The following KCNMB4 variants were observed in gnomAD, a reference collection of about 807,000 sequenced individuals.
The protein encoded by KCNMB4 is potassium calcium-activated channel subfamily M regulatory beta subunit 4.
Under a neutral mutation model 20.7 loss-of-function variants are expected in KCNMB4, and 3 were observed. The ratio of observed to expected loss-of-function variants is 0.14; its 90% CI spans 0.07 to 0.37. The LOEUF is 0.37. KCNMB4 is among the 10% of genes least tolerant of loss of function. KCNMB4 has a pLI of 1.00. For missense variants in KCNMB4, 168 were observed against 265.9 expected (o/e 0.63, Z 2.56); for synonymous variants, 110 against 113.4 (o/e 0.97, Z 0.19).
intron 2 of KCNMB4, among the ~76,000 whole-genome samples, chr12:70,423,931 C>G (rs1402016233): frequency 6.6e-6 from 1 of 152,142 alleles, no homozygotes; most frequent in African/African-American, 2.4e-5. Flanking sequence ...ATTAAACTGA[C>G]AAAAGGTAAA....
Position 70,395,747 on chromosome 12 carries a change from A to G in KCNMB4, c.337-4462A>G, listed in dbSNP as rs546932934. On this transcript the variant is annotated intron_variant, in intron 1 of 2. Coordinates refer to ENST00000258111, the MANE Select transcript of KCNMB4 (RefSeq NM_014505.6). The stretch of plus-strand genomic sequence containing the variant: ...AAATCTTTTTCGAAAATATTTTTTC[A>G]AAGAAGTTATTTCATCCAAGTTCAG... 2.0e-5 allele frequency among the ~76,000 whole-genome samples: 3 copies of G among 152,342 alleles called. No homozygotes were observed. The East Asian group carries it at 5.8e-4, about 29-fold the overall frequency.
intron 1 of KCNMB4, among the ~76,000 whole-genome samples, chr12:70,370,784 A>AG (rs1883579605): frequency 6.6e-6 from 1 of 151,518 alleles, no homozygotes; most frequent in Admixed American, 6.6e-5. Context: ...AAAAAAAAAA[A>AG]GGTGAGTTTT....
intron 1 of KCNMB4, among the ~76,000 whole-genome samples, chr12:70,383,201 G>A (rs186685414): frequency 2.0e-5 from 3 of 152,244 alleles, no homozygotes; most frequent in Admixed American, 2.0e-4. Context: ...ATTAGATTGT[G>A]GCAGTTATTT....
At chr12:70,375,379 A>G (rs1189871968) in intron 1 of KCNMB4, among the ~76,000 whole-genome samples, 1 of 152,042 alleles carries the variant, frequency 6.6e-6, no homozygotes, top group Admixed American at 6.6e-5. Flanking sequence ...TCACACCTGT[A>G]ATACCAATAC....
rs1883488824 is a variant in KCNMB4, at chr12:70,366,401, A to T, written c.-334A>T. ...AGGAGGCGGGGTGGGGGAGGCGGGG[A>T]GAGTGCGGGGGCGGAGGCTGGCAGG... On this transcript the variant is annotated 5_prime_UTR_variant, in exon 1 of 3. It introduces an in-frame stop codon into an upstream open reading frame of the 5' UTR. Coordinates refer to ENST00000258111, the MANE Select transcript of KCNMB4 (RefSeq NM_014505.6). 1 of 139,820 alleles carries T rather than the reference A, an allele frequency of 7.2e-6. No homozygotes were observed. The highest frequency in any genetic ancestry group is 1.6e-5 in the Non-Finnish European group (1 of 64,222). The allele number at this position is 139,820 out of a possible 1,614,324, so 8.7% of individuals were successfully genotyped here. A position where few individuals can be genotyped will look rare whatever the true frequency, so the allele number is the denominator to read the frequency against.
At chr12:70,393,055 A>G (rs1868314424) in intron 1 of KCNMB4, among the ~76,000 whole-genome samples, 2 of 152,124 alleles carry the variant, frequency 1.3e-5, no homozygotes, top group Non-Finnish European at 2.9e-5. Context: ...TTATTAAACA[A>G]ATGTTTATAG....
intron 1 of KCNMB4, among the ~76,000 whole-genome samples, chr12:70,380,048 C>G (rs1375292656): frequency 6.6e-6 from 1 of 152,230 alleles, no homozygotes; most frequent in East Asian, 1.9e-4. Flanking sequence ...TTCAGCCTGT[C>G]TCAGCTTTTG....
At chr12:70,430,362 CAG>C in intron 2 of KCNMB4, 121 bp from the exon 3 acceptor site, 1 of 994,948 alleles carries the variant, frequency 1.0e-6, no homozygotes, top group Non-Finnish European at 1.5e-6. Context: ...TGTTTATAGT[CAG>C]AGTGCAGCCT....
At chr12:70,414,160 A>AG (rs1868857076) in intron 2 of KCNMB4, among the ~76,000 whole-genome samples, 1 of 152,036 alleles carries the variant, frequency 6.6e-6, no homozygotes. Flanking sequence ...TGAACCCGGG[A>AG]GGCAGAGATT....
intron 2 of KCNMB4, among the ~76,000 whole-genome samples, chr12:70,421,574 T>TTTTA (rs200612643): frequency 0.086 from 12,967 of 149,966 alleles, 708 homozygotes; most frequent in Admixed American, 0.18. Flanking sequence ...CTCCAAGGGT[T>TTTTA]TTTATTTATT....
intron 1 of KCNMB4, among the ~76,000 whole-genome samples, chr12:70,399,566 A>C (rs1330291250): frequency 6.6e-6 from 1 of 152,256 alleles, no homozygotes; most frequent in Non-Finnish European, 1.5e-5. Flanking sequence ...ATCTGGACTT[A>C]AGAACAGTTG....
chr12:70,368,398 C>A (rs1396556105), intron 1 of KCNMB4, among the ~76,000 whole-genome samples: 1 of 151,424 alleles, frequency 6.6e-6, no homozygotes, highest in African/African-American at 2.4e-5. Context: ...ATGCTCCTGT[C>A]GACAAATGAA....
At chr12:70,388,354 T>A (rs2136123510) in intron 1 of KCNMB4, among the ~76,000 whole-genome samples, 1 of 152,324 alleles carries the variant, frequency 6.6e-6, no homozygotes, top group Middle Eastern at 3.4e-3. Context: ...GCAGTGGGAT[T>A]GCTGAATCGG....
At chr12:70,402,012 TTAATC>T (rs1179589862) in intron 2 of KCNMB4, among the ~76,000 whole-genome samples, 1 of 152,176 alleles carries the variant, frequency 6.6e-6, no homozygotes, top group Non-Finnish European at 1.5e-5. Context: ...GTCACCACAT[TTAATC>T]TACCACAGGA....
intron 2 of KCNMB4, among the ~76,000 whole-genome samples, chr12:70,403,676 T>A (rs79376393): frequency 0.057 from 8,653 of 152,282 alleles, 393 homozygotes; most frequent in East Asian, 0.15. Context: ...AATTAGAATC[T>A]TTGGTGGTTG....
At chr12:70,382,587 A>C (rs1883810047) in intron 1 of KCNMB4, among the ~76,000 whole-genome samples, 1 of 152,128 alleles carries the variant, frequency 6.6e-6, no homozygotes, top group Admixed American at 6.5e-5. Flanking sequence ...AGAAATCATA[A>C]AGGAATACAC....
intron 1 of KCNMB4, among the ~76,000 whole-genome samples, chr12:70,376,174 TTAGGAA>T (rs1195998969): frequency 6.1e-5 from 9 of 148,662 alleles, no homozygotes; most frequent in African/African-American, 2.2e-4. Context: ...AACCAACAAA[TTAGGAA>T]TAGAAGGGAA....
At chr12:70,409,688 C>G (rs1458601454) in intron 2 of KCNMB4, among the ~76,000 whole-genome samples, 1 of 152,136 alleles carries the variant, frequency 6.6e-6, no homozygotes, top group East Asian at 1.9e-4. Flanking sequence ...TTTCAAAGAC[C>G]TTTCTGTGTA....
rs1201566862 is a variant in KCNMB4, at chr12:70,394,662, A to C, written c.337-5547A>C. 2.6e-5 allele frequency among the ~76,000 whole-genome samples: 4 copies of C among 152,018 alleles called. No homozygotes were observed. The South Asian group carries it at 6.2e-4, about 24-fold the overall frequency. On this transcript the variant is annotated intron_variant, in intron 1 of 2. Coordinates refer to ENST00000258111, the MANE Select transcript of KCNMB4 (RefSeq NM_014505.6). ...ACCCACAACATTTGAAACATTATGG[A>C]GTTTATTTATTTATTTATTTTTGAG...
Sources: gnomAD v4.1 joint callset for allele counts (sites outside exome capture counted in the v4.1 genomes callset) on GRCh38, gnomAD v4.1.1 for gene constraint, MANE v1.5 for transcripts, NCBI Gene and HGNC (gene_info 2026-07-23, HGNC 2026-07-21) for gene names.